TP53BP2: variants seen among roughly 807,000 people sequenced by gnomAD.
TP53BP2 encodes the protein tumor protein p53 binding protein 2.
In TP53BP2, 62 loss-of-function variants were observed where a neutral mutation model predicts 126.2. The ratio of observed to expected loss-of-function variants is 0.49; its 90% CI spans 0.40 to 0.61. TP53BP2 has a LOEUF of 0.61. Among genes scored for constraint, TP53BP2 ranks in the 20% least tolerant of loss-of-function variants. The probability of loss-of-function intolerance (pLI) is 0.00; values close to 1 mark genes in which losing one functional copy is unlikely to be tolerated. For synonymous variants in TP53BP2, 485 were observed against 502.9 expected (o/e 0.96, Z 0.48); for missense variants, 1,215 against 1,402.8 (o/e 0.87, Z 2.14).
chr1:223,795,604 G>C lies in TP53BP2; in HGVS notation c.2724+211C>G, dbSNP rs572252427. ...TTTATAGGGATAAGAACAAAACTCT[G>C]TTTCTTTCACAAATAAATGGGTTCT... On this transcript the variant is annotated intron_variant, in intron 13 of 17. Coordinates refer to ENST00000343537, the MANE Select transcript of TP53BP2 (RefSeq NM_001031685.3). Among the ~76,000 whole-genome samples the C allele has an allele frequency of 2.0e-5, 3 of 152,174 alleles. No individual in the cohort carries two copies. The East Asian group carries it at 5.8e-4, about 29-fold the overall frequency.
intron 2 of TP53BP2, among the ~76,000 whole-genome samples, chr1:223,817,884 C>T (rs916544223): frequency 8.6e-5 from 13 of 150,420 alleles, no homozygotes; most frequent in South Asian, 2.1e-4. Context: ...CGAGATGGTG[C>T]CACTGCACTC....
chr1:223,842,509 C>G (rs1558114637), intron 1 of TP53BP2, among the ~76,000 whole-genome samples: 2 of 152,184 alleles, frequency 1.3e-5, no homozygotes, highest in African/African-American at 4.8e-5. Flanking sequence ...AAGTGACAGG[C>G]AAATTCAAGC....
chr1:223,812,783 C>T (rs1300282612), intron 3 of TP53BP2, among the ~76,000 whole-genome samples: 3 of 152,064 alleles, frequency 2.0e-5, no homozygotes, highest in Non-Finnish European at 4.4e-5. Context: ...TGGTCTGTCT[C>T]GATCTCCTGA....
At chr1:223,784,661 T>G (rs1276344661) in intron 16 of TP53BP2, among the ~76,000 whole-genome samples, 1 of 152,140 alleles carries the variant, frequency 6.6e-6, no homozygotes, top group Non-Finnish European at 1.5e-5. Flanking sequence ...ATTAAAAAAG[T>G]GAACGATATG....
intron 2 of TP53BP2, among the ~76,000 whole-genome samples, chr1:223,818,608 C>T (rs2102870486): frequency 6.6e-6 from 1 of 150,504 alleles, no homozygotes; most frequent in Admixed American, 6.6e-5. Context: ...ATCTTGCTGT[C>T]ACCCAGGCTG....
intron 1 of TP53BP2, 55 bp from the exon 2 acceptor site, chr1:223,821,422 T>G (rs1663306226): frequency 6.2e-7 from 1 of 1,607,696 alleles, no homozygotes; most frequent in Admixed American, 1.7e-5. Flanking sequence ...TAATGTGGTA[T>G]TCACCTTAAA....
chr1:223,780,718 C>A lies in TP53BP2; in HGVS notation c.*135G>T. The A allele has an allele frequency of 1.2e-6, 1 of 810,914 alleles. No individual in the cohort carries two copies. The allele number at this position is 810,914 out of a possible 1,614,324, so 50.2% of individuals were successfully genotyped here. On this transcript the variant is annotated 3_prime_UTR_variant, in exon 18 of 18. Transcript: ENST00000343537. ...GAATTCTTCAATCCTTCATTCTCTT[C>A]TAGAGACATTCTTCATCGCTTTCAA...
chr1:223,819,796 T>C (rs1225063428), intron 2 of TP53BP2, among the ~76,000 whole-genome samples: 4 of 152,206 alleles, frequency 2.6e-5, no homozygotes, highest in Non-Finnish European at 5.9e-5. Flanking sequence ...CAGGAGCAGC[T>C]AGAAGTTCAT....
chr1:223,788,838 A>T (rs548850560), intron 16 of TP53BP2, among the ~76,000 whole-genome samples, 170 bp downstream of exon 16: 1 of 152,346 alleles, frequency 6.6e-6, no homozygotes, highest in South Asian at 2.1e-4. Flanking sequence ...GTTTCTAAGC[A>T]TACAAACAGA....
At chr1:223,842,974 G>C (rs1228924931) in intron 1 of TP53BP2, among the ~76,000 whole-genome samples, 1 of 152,202 alleles carries the variant, frequency 6.6e-6, no homozygotes, top group Non-Finnish European at 1.5e-5. Context: ...CTGAAAGTGA[G>C]AGTAATTATC....
rs576875726 is a variant in TP53BP2 at position 223,796,669 on chromosome 1, T to C, written c.1949-79A>G. 1.5e-6 allele frequency: 2 copies of C among 1,330,400 alleles called. No homozygotes were observed. Among genetic ancestry groups the C allele is most frequent in the African/African-American group, 2.9e-5 (2 of 68,112 alleles). The allele number at this position is 1,330,400 out of a possible 1,614,324, so 82.4% of individuals were successfully genotyped here. On this transcript the variant is annotated intron_variant, in intron 12 of 17. Coordinates refer to ENST00000343537, the MANE Select transcript of TP53BP2 (RefSeq NM_001031685.3). This position sits in a 1 kb window ranked among gnomAD's most constrained non-coding sequence, Gnocchi z 4.2. ...GGCAAGAAACAGAAACAGCTAACAATAACTAAAGCCTCTTTTAATTTCATA... is the reference window on the plus strand; with the variant it reads ...GGCAAGAAACAGAAACAGCTAACAACAACTAAAGCCTCTTTTAATTTCATA...
In TP53BP2 at chr1:223,831,149, G is replaced by A. The variant is rs963268798; in HGVS notation, c.28-9782C>T. ...TGTAATCTCAGTATTTTGGGAGGCTGAGGCGGGAGGATCACTTCAGGCCAG... is the reference window on the plus strand; with the variant it reads ...TGTAATCTCAGTATTTTGGGAGGCTAAGGCGGGAGGATCACTTCAGGCCAG... On this transcript the variant is annotated intron_variant, in intron 1 of 17. Transcript: ENST00000343537. Among the ~76,000 whole-genome samples, 7 of 151,150 alleles carry A rather than the reference G, an allele frequency of 4.6e-5. No individual in the cohort carries two copies. In the East Asian group the frequency reaches 9.7e-4, roughly 21 times the overall value.
chr1:223,790,158 T>C (rs959192919), intron 15 of TP53BP2, among the ~76,000 whole-genome samples: 1 of 151,830 alleles, frequency 6.6e-6, no homozygotes, highest in Non-Finnish European at 1.5e-5. Flanking sequence ...CTGGGGAGGC[T>C]GAGGCATGAG....
chr1:223,800,388 C>G (rs1662488107), intron 10 of TP53BP2, among the ~76,000 whole-genome samples: 1 of 151,970 alleles, frequency 6.6e-6, no homozygotes, highest in Non-Finnish European at 1.5e-5. Context: ...GGAGTCCAGT[C>G]TGGGCAACAT....
chr1:223,828,884 T>C (rs1046797049), intron 1 of TP53BP2, among the ~76,000 whole-genome samples: 2 of 152,052 alleles, frequency 1.3e-5, no homozygotes, highest in Non-Finnish European at 1.5e-5. Flanking sequence ...GTGATGAAAA[T>C]GTTCTGTAAT....
intron 4 of TP53BP2, among the ~76,000 whole-genome samples, chr1:223,808,290 A>G (rs1662791024): frequency 6.6e-6 from 1 of 152,150 alleles, no homozygotes; most frequent in Admixed American, 6.5e-5. Context: ...TGGGAGGCCG[A>G]GGTGGGTGGA....
chr1:223,843,146 T>G (rs1350376668), intron 1 of TP53BP2, among the ~76,000 whole-genome samples: 1 of 152,094 alleles, frequency 6.6e-6, no homozygotes, highest in African/African-American at 2.4e-5. Context: ...CCTGTACCAT[T>G]TGGTGAGAAA....
intron 14 of TP53BP2, 102 bp downstream of exon 14, chr1:223,793,201 A>G: frequency 1.1e-6 from 1 of 943,570 alleles, no homozygotes; most frequent in Non-Finnish European, 1.5e-6. Context: ...CTTTAAAACA[A>G]AATACAAGGT....
At chr1:223,841,272 A>T (rs534792850) in intron 1 of TP53BP2, among the ~76,000 whole-genome samples, 30 of 75,772 alleles carry the variant, frequency 4.0e-4, no homozygotes, top group African/African-American at 2.1e-3. Flanking sequence ...AATAAATAAA[A>T]GAAATATTTT....
Sources: allele counts gnomAD v4.1 joint callset (sites outside exome capture counted in the v4.1 genomes callset), GRCh38; gene constraint gnomAD v4.1.1; non-coding constraint Gnocchi (gnomAD v3.1); transcripts MANE v1.5; gene names NCBI Gene and HGNC (gene_info 2026-07-23, HGNC 2026-07-21).